The following DYNC1LI1 variants were observed in gnomAD, a reference collection of about 807,000 sequenced individuals.
The protein encoded by DYNC1LI1 is dynein cytoplasmic 1 light intermediate chain 1, also known as cytoplasmic dynein 1 light intermediate chain 1.
A neutral mutation model predicts 63.8 loss-of-function variants in DYNC1LI1; 19 were observed. The ratio of observed to expected loss-of-function variants is 0.30; its 90% CI spans 0.21 to 0.44. The LOEUF (loss-of-function observed/expected upper bound fraction) is 0.44. DYNC1LI1 is among the 20% of genes least tolerant of loss of function. DYNC1LI1 has a pLI of 1.00. For missense variants in DYNC1LI1, 565 were observed against 630.2 expected, an observed-to-expected ratio of 0.90 and a Z score of 1.11; for synonymous variants, 225 against 232.3, an observed-to-expected ratio of 0.97 and a Z score of 0.28.
At chr3:32,534,194 T>C (rs930130632) in intron 7 of DYNC1LI1, among the ~76,000 whole-genome samples, 9 of 152,198 alleles carry the variant, frequency 5.9e-5, no homozygotes, top group Non-Finnish European at 1.2e-4. Context: ...TTTAAAAGCA[T>C]GTCTAGATCT....
At chr3:32,569,927 CAA>C (rs1375310716) in intron 2 of DYNC1LI1, among the ~76,000 whole-genome samples, 1 of 152,246 alleles carries the variant, frequency 6.6e-6, no homozygotes, top group Non-Finnish European at 1.5e-5. Flanking sequence ...GTCAATTATA[CAA>C]AGAGTCAGCT....
At chr3:32,553,740 G>A (rs897049016) in intron 2 of DYNC1LI1, among the ~76,000 whole-genome samples, 5 of 152,190 alleles carry the variant, frequency 3.3e-5, no homozygotes, top group African/African-American at 9.6e-5. Flanking sequence ...AACTCTGAGG[G>A]GCGTGATTAT....
At chr3:32,548,375 G>A (rs1697987269) in intron 2 of DYNC1LI1, among the ~76,000 whole-genome samples, 1 of 152,140 alleles carries the variant, frequency 6.6e-6, no homozygotes, top group Non-Finnish European at 1.5e-5. Flanking sequence ...AGGTAAAAGA[G>A]TTTCATCCTG....
intron 2 of DYNC1LI1, among the ~76,000 whole-genome samples, chr3:32,555,919 CTT>C (rs1267697358): frequency 6.6e-6 from 1 of 152,198 alleles, no homozygotes; most frequent in Non-Finnish European, 1.5e-5. Flanking sequence ...ATCCCTTCAA[CTT>C]TTCTGTATGT....
rs373710032 is a variant in DYNC1LI1, at chr3:32,535,592, T to A, written c.833-946A>T. 7.9e-5 allele frequency among the ~76,000 whole-genome samples: 12 copies of A among 152,312 alleles called. No individual in the cohort carries two copies. In the East Asian group the frequency reaches 9.6e-4, roughly 12 times the overall value. Reference sequence around the variant, plus strand: ...AACTTTAACATGGTAGAGACAAACATAATCTTAGGCAAAAGTTTAACTGTA... The same window carrying A: ...AACTTTAACATGGTAGAGACAAACAAAATCTTAGGCAAAAGTTTAACTGTA... On this transcript the variant is annotated intron_variant, in intron 6 of 12. Transcript: ENST00000273130.
chr3:32,540,934 C>T, intron 5 of DYNC1LI1, 103 bp downstream of exon 5: 2 of 766,702 alleles, frequency 2.6e-6, no homozygotes, highest in Non-Finnish European at 3.9e-6. Flanking sequence ...AACAAAAAAT[C>T]ATCTAGGAGA....
intron 8 of DYNC1LI1, chr3:32,531,495 T>C (rs1424722182): frequency 1.3e-5 from 2 of 152,262 alleles, no homozygotes; most frequent in African/African-American, 2.4e-5. Flanking sequence ...CAGATGTCTA[T>C]GTATTGGTTT....
intron 3 of DYNC1LI1, 115 bp downstream of exon 3, chr3:32,545,734 T>G (rs1697943727): frequency 1.3e-6 from 1 of 762,544 alleles, no homozygotes; most frequent in African/African-American, 1.8e-5. Context: ...TTGACCAGCA[T>G]GACATCACAG....
intron 10 of DYNC1LI1, 124 bp from the exon 11 acceptor site, chr3:32,529,784 G>T: frequency 1.3e-6 from 1 of 772,738 alleles, no homozygotes; most frequent in Non-Finnish European, 2.0e-6. Context: ...TACACTGCAA[G>T]CCATTGACAA....
intron 8 of DYNC1LI1, chr3:32,531,556 C>T (rs1347841076): frequency 6.6e-6 from 1 of 152,178 alleles, no homozygotes; most frequent in Non-Finnish European, 1.5e-5. Flanking sequence ...CTAAACAGGG[C>T]CTGAGGTGAT....
intron 2 of DYNC1LI1, among the ~76,000 whole-genome samples, chr3:32,563,999 C>T (rs568006464): frequency 4.6e-5 from 7 of 152,300 alleles, no homozygotes; most frequent in East Asian, 3.9e-4. Flanking sequence ...ATAAAACTGA[C>T]GCCAATAATC....
At chr3:32,533,699 G>A (rs1396541532) in intron 7 of DYNC1LI1, among the ~76,000 whole-genome samples, 3 of 151,050 alleles carry the variant, frequency 2.0e-5, no homozygotes, top group African/African-American at 4.9e-5. Context: ...CCAAGTAGCT[G>A]AACCACAGGT....
chr3:32,552,360 C>CT (rs1435120825), intron 2 of DYNC1LI1, among the ~76,000 whole-genome samples: 1 of 152,008 alleles, frequency 6.6e-6, no homozygotes, highest in Admixed American at 6.6e-5. Context: ...CAGGGTCTTC[C>CT]TATGTTGTCC....
In DYNC1LI1 at chr3:32,570,348, A is replaced by G. The variant is rs769477365; in HGVS notation, c.218T>C (p.Leu73Pro). Reference sequence around the variant, plus strand: ...GGGGCGAGGCAGGGAACACTTACCCAGCAGTAGCACGTTCTTCCCCGCAGG... The same window carrying G: ...GGGGCGAGGCAGGGAACACTTACCCGGCAGTAGCACGTTCTTCCCCGCAGG... ...KLPAGKNVLL[L>P]GEDGAGKTSL... The change falls in exon 2 of 13, where the codon CTG becomes CCG. Residue 73 changes from leucine to proline, a missense_variant and splice_region_variant. Leu to Pro is a moderately conservative substitution (Grantham distance 98, BLOSUM62 -3). Coordinates refer to ENST00000273130, the MANE Select transcript of DYNC1LI1 (RefSeq NM_016141.4). The G allele has an allele frequency of 1.3e-6, 2 of 1,581,464 alleles. No homozygotes were observed. The highest frequency in any genetic ancestry group is 1.7e-6 in the Non-Finnish European group (2 of 1,159,554).
At position 32,553,198 on chromosome 3, in the gene DYNC1LI1, G is replaced by A. The variant is rs1483617891; in HGVS notation, c.221-7233C>T. Among the ~76,000 whole-genome samples the A allele has an allele frequency of 5.9e-5, 9 of 152,130 alleles. 2 individuals carry two copies. Among genetic ancestry groups the A allele is most frequent in the Admixed American group, 4.6e-4 (7 of 15,278 alleles). Reference sequence around the variant, plus strand: ...AAAAATAGAAAAATTGGCCAGGTGTGGTGGTGCACACCTGTGGTCCCAGCT... The same window carrying A: ...AAAAATAGAAAAATTGGCCAGGTGTAGTGGTGCACACCTGTGGTCCCAGCT... On this transcript the variant is annotated intron_variant, in intron 2 of 12. Transcript: ENST00000273130.
intron 5 of DYNC1LI1, among the ~76,000 whole-genome samples, chr3:32,539,530 C>CTATTAT (rs564751442): frequency 3.6e-4 from 55 of 150,984 alleles, no homozygotes; most frequent in African/African-American, 1.2e-3. Context: ...TGAAATTGAT[C>CTATTAT]TATTATTATT....
At chr3:32,543,901 CA>C (rs1402553613) in intron 4 of DYNC1LI1, among the ~76,000 whole-genome samples, 1 of 148,128 alleles carries the variant, frequency 6.8e-6, no homozygotes, top group Non-Finnish European at 1.5e-5. Flanking sequence ...CCTATGTCTA[CA>C]AAAAATAAAA....
At chr3:32,545,204 A>G in intron 3 of DYNC1LI1, 98 bp from the exon 4 acceptor site, 2 of 782,896 alleles carry the variant, frequency 2.6e-6, no homozygotes, top group Non-Finnish European at 4.2e-6. Flanking sequence ...TCTCCACAGG[A>G]GATGTGCTAT....
intron 7 of DYNC1LI1, among the ~76,000 whole-genome samples, chr3:32,534,170 T>A (rs1423751362): frequency 6.6e-6 from 1 of 152,156 alleles, no homozygotes. Context: ...GCCACCGTGC[T>A]CAGCCAGGTA....
Sources: gnomAD v4.1 joint callset for allele counts (sites outside exome capture counted in the v4.1 genomes callset) on GRCh38, gnomAD v4.1.1 for gene constraint, MANE v1.5 for transcripts, NCBI Gene and HGNC (gene_info 2026-07-23, HGNC 2026-07-21) for gene names.